Variants in GNA14 observed in about 807,000 individuals in gnomAD.
The protein encoded by GNA14 is guanine nucleotide-binding protein subunit alpha-14.
Under a neutral mutation model 42.0 loss-of-function variants are expected in GNA14, and 50 were observed. The ratio of observed to expected loss-of-function variants is 1.19; its 90% CI spans 0.95 to 1.51. GNA14 has a LOEUF of 1.51. Ranked by LOEUF, GNA14 falls within the 40% of genes most tolerant of loss-of-function variation. GNA14 has a pLI of 0.00. For synonymous variants in GNA14, 173 were observed against 163.1 expected, an observed-to-expected ratio of 1.06 and a Z score of -0.46; for missense variants, 473 against 446.2, an observed-to-expected ratio of 1.06 and a Z score of -0.54.
chr9:77,584,203 A>C (rs1322595097), intron 1 of GNA14, among the ~76,000 whole-genome samples: 1 of 152,208 alleles, frequency 6.6e-6, no homozygotes, highest in Non-Finnish European at 1.5e-5. Flanking sequence ...ATCTACCTCT[A>C]CCATTCAAAG....
chr9:77,617,947 C>A (rs1823849817), intron 1 of GNA14, among the ~76,000 whole-genome samples: 1 of 152,206 alleles, frequency 6.6e-6, no homozygotes, highest in East Asian at 1.9e-4. Context: ...TCTCCAGCCT[C>A]CACTCTCTAA....
chr9:77,580,726 G>A (rs1019636737), intron 1 of GNA14: 6 of 220,972 alleles, frequency 2.7e-5, no homozygotes, highest in Non-Finnish European at 5.9e-5. Flanking sequence ...ACACAAATGA[G>A]CAGGGCCACG....
chr9:77,483,547 G>C (rs768308112), intron 2 of GNA14, among the ~76,000 whole-genome samples: 1 of 152,132 alleles, frequency 6.6e-6, no homozygotes, highest in Non-Finnish European at 1.5e-5. Context: ...CAGTCTGCCC[G>C]TTCTCAGATC....
At chr9:77,602,461 GC>G (rs1282331577) in intron 1 of GNA14, among the ~76,000 whole-genome samples, 1 of 152,122 alleles carries the variant, frequency 6.6e-6, no homozygotes, top group Non-Finnish European at 1.5e-5. Flanking sequence ...TCAATTTTGT[GC>G]CTTATATGGA....
intron 2 of GNA14, among the ~76,000 whole-genome samples, chr9:77,458,394 C>G (rs1443860): frequency 0.78 from 117,908 of 152,124 alleles, 46,658 homozygotes; most frequent in African/African-American, 0.94. Context: ...ACTAGGAATG[C>G]GCTGGCCACG....
At chr9:77,466,616 T>TTTTGTTTG (rs3052366) in intron 2 of GNA14, among the ~76,000 whole-genome samples, 3 of 151,818 alleles carry the variant, frequency 2.0e-5, no homozygotes, top group East Asian at 1.9e-4. Flanking sequence ...CAAGCCTGTT[T>TTTTGTTTG]TTTGTTTGTT....
At chr9:77,499,930 A>G (rs1250893658) in intron 2 of GNA14, among the ~76,000 whole-genome samples, 2 of 152,166 alleles carry the variant, frequency 1.3e-5, no homozygotes, top group Non-Finnish European at 1.5e-5. Flanking sequence ...TGAGGACTAT[A>G]TAGCATTTAA....
intron 2 of GNA14, among the ~76,000 whole-genome samples, chr9:77,445,016 A>G (rs1251066309): frequency 6.6e-6 from 1 of 152,212 alleles, no homozygotes; most frequent in Non-Finnish European, 1.5e-5. Flanking sequence ...AGGAATGACA[A>G]CAGAGCCCCA....
chr9:77,465,100 GAAAGA>G (rs1267352876), intron 2 of GNA14, among the ~76,000 whole-genome samples: 1 of 152,218 alleles, frequency 6.6e-6, no homozygotes, highest in African/African-American at 2.4e-5. Context: ...CCAGAACTAT[GAAAGA>G]ATACATTTCT....
intron 1 of GNA14, among the ~76,000 whole-genome samples, chr9:77,608,732 GT>G (rs111701182): frequency 0.075 from 9,094 of 121,102 alleles, 867 homozygotes; most frequent in African/African-American, 0.23. Flanking sequence ...CCAATATCCT[GT>G]TTTTTTTTTT....
At chr9:77,633,325 G>A (rs1824128449) in intron 1 of GNA14, among the ~76,000 whole-genome samples, 1 of 152,076 alleles carries the variant, frequency 6.6e-6, no homozygotes, top group Non-Finnish European at 1.5e-5. Context: ...AAAGAGTGTT[G>A]TAGGCAGACA....
In GNA14 at chr9:77,640,969, G is replaced by C. The variant is rs138039536; in HGVS notation, c.124+6701C>G. On this transcript the variant is annotated intron_variant, in intron 1 of 6. Transcript: ENST00000341700. ...TCATTGCACAAGTCGGGTATGATTT[G>C]AGCACCAAAATGATTAAGAACAGTA... Among the ~76,000 whole-genome samples the C allele has an allele frequency of 2.4e-3, 344 of 146,028 alleles. 4 individuals are homozygous for C. The highest frequency in any genetic ancestry group is 8.5e-3 in the African/African-American group (331 of 39,130).
intron 1 of GNA14, among the ~76,000 whole-genome samples, chr9:77,558,318 A>G (rs1822823323): frequency 6.6e-6 from 1 of 152,186 alleles, no homozygotes; most frequent in African/African-American, 2.4e-5. Context: ...AGACAAATAG[A>G]TAAGCAAATA....
intron 1 of GNA14, among the ~76,000 whole-genome samples, chr9:77,585,624 C>T (rs1290162314): frequency 1.3e-5 from 2 of 152,194 alleles, no homozygotes; most frequent in Admixed American, 1.3e-4. Context: ...ACCTGCTTTG[C>T]CTATATGCCT....
chr9:77,493,026 A>AATATATATATATAT (rs1172872010), intron 2 of GNA14, among the ~76,000 whole-genome samples: 35 of 51,686 alleles, frequency 6.8e-4, no homozygotes, highest in East Asian at 4.5e-3. Flanking sequence ...AAAAAAAAAA[A>AATATATATATATAT]ATATATATAT....
intron 1 of GNA14, among the ~76,000 whole-genome samples, chr9:77,569,582 C>T (rs771714376): frequency 1.3e-5 from 2 of 152,028 alleles, no homozygotes; most frequent in Admixed American, 6.6e-5. Context: ...ATAGTGAGTT[C>T]CACCAACAGG....
intron 2 of GNA14, among the ~76,000 whole-genome samples, chr9:77,471,447 G>A (rs566095381): frequency 6.6e-6 from 1 of 152,228 alleles, no homozygotes; most frequent in Non-Finnish European, 1.5e-5. Context: ...AAATTTGAGA[G>A]GGGCAACATG....
chr9:77,596,591 G>A (rs1477968998), intron 1 of GNA14, among the ~76,000 whole-genome samples: 8 of 152,056 alleles, frequency 5.3e-5, no homozygotes, highest in Admixed American at 4.6e-4. Context: ...GGCGACATGC[G>A]GGGAAAGGAA....
rs544434266 is a variant in GNA14, at chr9:77,522,647, C to A, written c.309+6422G>T. Among the ~76,000 whole-genome samples, 6 of 152,284 alleles carry A rather than the reference C, an allele frequency of 3.9e-5. No individual in the cohort carries two copies. In the South Asian group the frequency reaches 6.2e-4, roughly 16 times the overall value. ...TATCAGTGGTTCTCGACCCTGGCTG[C>A]CCAATCAGAATCACCTGGGAGGGAC... On this transcript the variant is annotated intron_variant, in intron 2 of 6. Coordinates refer to ENST00000341700, the MANE Select transcript of GNA14 (RefSeq NM_004297.4).
Sources: allele counts gnomAD v4.1 joint callset (sites outside exome capture counted in the v4.1 genomes callset), GRCh38; gene constraint gnomAD v4.1.1; transcripts MANE v1.5; gene names NCBI Gene and HGNC (gene_info 2026-07-23, HGNC 2026-07-21).